EME2: variants seen among roughly 807,000 people sequenced by gnomAD.
EME2 encodes the protein structure-specific endonuclease subunit EME2.
A neutral mutation model predicts 41.9 loss-of-function variants in EME2; 58 were observed. That is an observed-to-expected ratio of 1.38 (90% CI 1.12 to 1.72). The LOEUF is 1.72. Among genes scored for constraint, EME2 ranks in the 40% most tolerant of loss-of-function variants. The pLI is 0.00. For synonymous variants in EME2, 334 were observed against 239.3 expected (o/e 1.40, Z -3.65); for missense variants, 695 against 541.9 (o/e 1.28, Z -2.81).
Position 1,777,726 on chromosome 16 carries a change from C to T in EME2, c.*1488C>T, listed in dbSNP as rs534361262. 8.1e-6 allele frequency: 13 copies of T among 1,610,238 alleles called. No individual in the cohort carries two copies. In the South Asian group the frequency reaches 1.2e-4, roughly 15 times the overall value. On this transcript the variant is annotated 3_prime_UTR_variant, in exon 8 of 8. Coordinates refer to ENST00000568449, the MANE Select transcript of EME2 (RefSeq NM_001257370.2). ...CTCGGGGTGACAGCTGAGAGGAGCTCAAGTCCTGTGACGGCCTCACCTATA... is the reference window on the plus strand; with the variant it reads ...CTCGGGGTGACAGCTGAGAGGAGCTTAAGTCCTGTGACGGCCTCACCTATA...
rs1413833256 is a variant in EME2, at chr16:1,777,067, C to A, written c.*829C>A. The A allele has an allele frequency of 3.7e-6, 6 of 1,600,204 alleles. No individual in the cohort carries two copies. The highest frequency in any genetic ancestry group is 4.3e-6 in the Non-Finnish European group (5 of 1,172,596). On this transcript the variant is annotated 3_prime_UTR_variant, in exon 8 of 8. Coordinates refer to ENST00000568449, the MANE Select transcript of EME2 (RefSeq NM_001257370.2). ...GGACAGAGGAAAGGGGCTGTCCCAG[C>A]CCAAGAAGGCAGTTCCACTGGGAAG...
Position 1,778,355 on chromosome 16 carries a change from G to T in EME2, c.*2117G>T. ...GAGGCCCAGGCTGGGGCAGCCCTGA[G>T]AGCTCCATGGGGCTCTGCCCTGCCC... On this transcript the variant is annotated 3_prime_UTR_variant, in exon 8 of 8. Coordinates refer to ENST00000568449, the MANE Select transcript of EME2 (RefSeq NM_001257370.2). The T allele has an allele frequency of 6.2e-7, 1 of 1,610,942 alleles. No homozygotes were observed.
chr16:1,775,272 C>A, intron 4 of EME2, 43 bp from the exon 5 acceptor site: 6 of 1,600,222 alleles, frequency 3.7e-6, no homozygotes, highest in Non-Finnish European at 5.1e-6. Flanking sequence ...TCGGGCAGGG[C>A]AGGCCCCATG....
chr16:1,781,478 G>C lies in EME2; in HGVS notation c.*5240G>C, dbSNP rs1442319526. ...AGGCCCTGCTGTTCCGGGGGCGTCT[G>C]GCCATGGTGGAAAGAATCTAGAAGA... On this transcript the variant is annotated 3_prime_UTR_variant, in exon 8 of 8. Coordinates refer to ENST00000568449, the MANE Select transcript of EME2 (RefSeq NM_001257370.2). 1.9e-6 allele frequency: 3 copies of C among 1,612,198 alleles called. No homozygotes were observed. The African/African-American group carries it at 4.0e-5, about 21-fold the overall frequency.
In EME2 at chr16:1,778,745, C is replaced by G; in HGVS notation, c.*2507C>G. On this transcript the variant is annotated 3_prime_UTR_variant, in exon 8 of 8. Transcript: ENST00000568449. ...GGGGTCCAGGCCTCCAGGGACTTCA[C>G]AGTACCCCGAGCGCACAGCCCAGGC... The G allele has an allele frequency of 9.9e-7, 1 of 1,007,350 alleles. No individual in the cohort carries two copies. The highest frequency in any genetic ancestry group is 1.8e-5 in the South Asian group (1 of 56,838). The allele number at this position is 1,007,350 out of a possible 1,614,324, so 62.4% of individuals were successfully genotyped here. A position where few individuals can be genotyped will look rare whatever the true frequency, so the allele number is the denominator to read the frequency against.
chr16:1,773,612 G>A, intron 1 of EME2, 93 bp from the exon 2 acceptor site: 2 of 1,538,024 alleles, frequency 1.3e-6, no homozygotes, highest in South Asian at 1.2e-5. Context: ...GGTTTGTGCC[G>A]AATGGAGACT....
chr16:1,775,327 C>G lies in EME2; in HGVS notation c.582C>G (p.His194Gln), dbSNP rs1401022644. 3 of 1,610,182 alleles carry G rather than the reference C, an allele frequency of 1.9e-6. No homozygotes were observed. The highest frequency in any genetic ancestry group is 2.5e-6 in the Non-Finnish European group (3 of 1,180,004). Reference sequence around the variant, plus strand: ...CACCTCTGCTCAGGTCTCGCCAGCACGTTTCCCGGGGGACACAGCAGCCAG... The same window carrying G: ...CACCTCTGCTCAGGTCTCGCCAGCAGGTTTCCCGGGGGACACAGCAGCCAG... Reference protein sequence around the residue: ...GLDAYLWSRQHVSRGTQQPES... With the variant: ...GLDAYLWSRQQVSRGTQQPES... Residue 194 changes from histidine (H) to glutamine (Q), a missense_variant, in exon 5 of 8, where the codon CAC becomes CAG. Physicochemically the swap from His to Gln is conservative, Grantham distance 24 (BLOSUM62 0). Coordinates refer to ENST00000568449, the MANE Select transcript of EME2 (RefSeq NM_001257370.2).
At position 1,775,660 on chromosome 16, in the gene EME2, AG is replaced by A; in HGVS notation, c.757del (p.Ala253LeufsTer114). On this transcript the variant is annotated frameshift_variant, in exon 6 of 8. Transcript: ENST00000568449. LOFTEE classifies it high-confidence loss of function. ...AGTCGGCACGTGTGCGCCGTTACCA[AG>A]GCTCTCGCCCAGTATCCCCTCAAGT... ...ELSRHVCAVTKALAQYPLKQY... is the reference protein window; with the variant it reads ...ELSRHVCAVTXALAQYPLKQY... The A allele has an allele frequency of 6.2e-7, 1 of 1,612,770 alleles. No individual in the cohort carries two copies. The highest frequency in any genetic ancestry group is 8.5e-7 in the Non-Finnish European group (1 of 1,180,008).
In EME2 at chr16:1,777,198, G is replaced by C; in HGVS notation, c.*960G>C. Reference sequence around the variant, plus strand: ...GGATCGGACACTGGAGCCTTGCGGCGGCTGCAACTCATGCTCAGGACCCAG... The same window carrying C: ...GGATCGGACACTGGAGCCTTGCGGCCGCTGCAACTCATGCTCAGGACCCAG... On this transcript the variant is annotated 3_prime_UTR_variant, in exon 8 of 8. Transcript: ENST00000568449. 1.9e-6 allele frequency: 3 copies of C among 1,610,482 alleles called. No individual in the cohort carries two copies. The highest frequency in any genetic ancestry group is 1.7e-6 in the Non-Finnish European group (2 of 1,179,830).
chr16:1,777,881 AG>A lies in EME2; in HGVS notation c.*1644del, dbSNP rs2042737625. 3.1e-6 allele frequency: 5 copies of A among 1,612,004 alleles called. No homozygotes were observed. The highest frequency in any genetic ancestry group is 4.2e-6 in the Non-Finnish European group (5 of 1,179,700). ...CTTGTGGTGGAGGAGGCCTGGGGGC[AG>A]CCAGGGTCGCAGTGAGCCCGGGAGC... On this transcript the variant is annotated 3_prime_UTR_variant, in exon 8 of 8. Transcript: ENST00000568449.
At position 1,773,449 on chromosome 16, in the gene EME2, G is replaced by T. The variant is rs1304274992; in HGVS notation, c.222G>T (p.Lys74Asn). 10 of 1,574,500 alleles carry T rather than the reference G, an allele frequency of 6.4e-6. No individual in the cohort carries two copies. In the South Asian group the frequency reaches 7.9e-5, roughly 12 times the overall value. The change falls in exon 1 of 8, where the codon AAG becomes AAT. Residue 74 changes from lysine to asparagine, a missense_variant. Transcript: ENST00000568449. ...LRLLRPEQVL[K>N]RLAVCVDTAI... Reference sequence around the variant, plus strand: ...TGCTGCGGCCGGAGCAGGTCCTGAAGCGCCTCGCGGTGTGCGTGGACACAG... The same window carrying T: ...TGCTGCGGCCGGAGCAGGTCCTGAATCGCCTCGCGGTGTGCGTGGACACAG...
Position 1,781,569 on chromosome 16 carries a change from C to A in EME2, c.*5331C>A. On this transcript the variant is annotated 3_prime_UTR_variant, in exon 8 of 8. Transcript: ENST00000568449. ...AGCCCTGAGCTTCCAGGCTGGGCCA[C>A]GGACCCACTCAAAGTGGGGACTGCA... The A allele has an allele frequency of 6.6e-7, 1 of 1,519,104 alleles. No homozygotes were observed. Among genetic ancestry groups the A allele is most frequent in the Non-Finnish European group, 8.9e-7 (1 of 1,125,286 alleles). The allele number at this position is 1,519,104 out of a possible 1,614,324, so 94.1% of individuals were successfully genotyped here.
In EME2 at chr16:1,776,789, G is replaced by C. The variant is rs2042719460; in HGVS notation, c.*551G>C. 1 of 479,538 alleles carries C rather than the reference G, an allele frequency of 2.1e-6. No homozygotes were observed. The highest frequency in any genetic ancestry group is 3.6e-5 in the East Asian group (1 of 27,836). 29.7% of individuals were successfully genotyped at this position (479,538 alleles called of 1,614,324 possible). ...GCGGGGCAGCCGCTGACAGCATGCA[G>C]AGCAAGTTAGGAAAAACCGAGGCCC... On this transcript the variant is annotated 3_prime_UTR_variant, in exon 8 of 8. Coordinates refer to ENST00000568449, the MANE Select transcript of EME2 (RefSeq NM_001257370.2).
At position 1,775,235 on chromosome 16, in the gene EME2, C is replaced by T. The variant is rs1382121331; in HGVS notation, c.570-80C>T. On this transcript the variant is annotated intron_variant, in intron 4 of 7. Coordinates refer to ENST00000568449, the MANE Select transcript of EME2 (RefSeq NM_001257370.2). ...CTGTGGCACAGCTGATCCCACTTCT[C>T]CAGGTGGGCTCTGGCAGAGGCCAAG... 7 of 1,582,530 alleles carry T rather than the reference C, an allele frequency of 4.4e-6. No individual in the cohort carries two copies. The Admixed American group carries it at 6.7e-5, about 15-fold the overall frequency.
chr16:1,777,611 C>G lies in EME2; in HGVS notation c.*1373C>G, dbSNP rs2042733633. 1 of 1,443,380 alleles carries G rather than the reference C, an allele frequency of 6.9e-7. No individual in the cohort carries two copies. The highest frequency in any genetic ancestry group is 2.3e-5 in the East Asian group (1 of 43,130). The allele number at this position is 1,443,380 out of a possible 1,614,324, so 89.4% of individuals were successfully genotyped here. On this transcript the variant is annotated 3_prime_UTR_variant, in exon 8 of 8. Coordinates refer to ENST00000568449, the MANE Select transcript of EME2 (RefSeq NM_001257370.2). ...ACTCCAGCCTGGCCTCACTGTCCCA[C>G]CCCCTGGGACCCTGGGGCCTCAGGC...
At chr16:1,773,620 A>T in intron 1 of EME2, 85 bp from the exon 2 acceptor site, 1 of 1,538,926 alleles carries the variant, frequency 6.5e-7, no homozygotes. Context: ...CCGAATGGAG[A>T]CTCCCCGGTC....
chr16:1,777,007 G>C lies in EME2; in HGVS notation c.*769G>C. 6.9e-7 allele frequency: 1 copy of C among 1,455,998 alleles called. No homozygotes were observed. The highest frequency in any genetic ancestry group is 9.3e-7 in the Non-Finnish European group (1 of 1,071,610). The allele number at this position is 1,455,998 out of a possible 1,614,324, so 90.2% of individuals were successfully genotyped here. A position where few individuals can be genotyped will look rare whatever the true frequency, so the allele number is the denominator to read the frequency against. ...GACGGGCCTCATCCAACTCCGCCCT[G>C]GAGTGTGGCTGGAAGGAAGGGACAG... On this transcript the variant is annotated 3_prime_UTR_variant, in exon 8 of 8. Coordinates refer to ENST00000568449, the MANE Select transcript of EME2 (RefSeq NM_001257370.2).
Position 1,781,631 on chromosome 16 carries a change from C to CG in EME2, c.*5393_*5394insG. The stretch of plus-strand genomic sequence containing the variant: ...GGTGCCCAGCCAGGGCTCCAGAACG[C>CG]TTCAGGAGCCCGTACCTCACTCCAG... On this transcript the variant is annotated 3_prime_UTR_variant, in exon 8 of 8. Coordinates refer to ENST00000568449, the MANE Select transcript of EME2 (RefSeq NM_001257370.2). 1.1e-6 allele frequency: 1 copy of CG among 883,286 alleles called. No homozygotes were observed. Among genetic ancestry groups the CG allele is most frequent in the Non-Finnish European group, 1.7e-6 (1 of 584,332 alleles). 54.7% of individuals were successfully genotyped at this position (883,286 alleles called of 1,614,324 possible).
intron 3 of EME2, 119 bp downstream of exon 3, chr16:1,774,471 C>A: frequency 2.6e-6 from 2 of 772,814 alleles, no homozygotes; most frequent in Non-Finnish European, 4.3e-6. Context: ...ATGGGGCAGG[C>A]CAGGACTCCT....
Sources: gnomAD v4.1 joint callset for allele counts on GRCh38, gnomAD v4.1.1 for gene constraint, MANE v1.5 for transcripts, NCBI Gene and HGNC (gene_info 2026-07-23, HGNC 2026-07-21) for gene names.